PAFAH1B1: variants seen among roughly 807,000 people sequenced by gnomAD.
PAFAH1B1 encodes the protein platelet activating factor acetylhydrolase 1b regulatory subunit 1.
A neutral mutation model predicts 57.5 loss-of-function variants in PAFAH1B1; 2 were observed. The observed-to-expected ratio is 0.03, with a 90% confidence interval of 0.01 to 0.11. PAFAH1B1 has a LOEUF of 0.11. PAFAH1B1 is among the 10% of genes least tolerant of loss of function. The pLI, the probability that PAFAH1B1 is intolerant of heterozygous loss-of-function variation, is 1.00. For missense variants in PAFAH1B1, 257 were observed against 512.0 expected, an observed-to-expected ratio of 0.50 and a Z score of 4.81; for synonymous variants, 152 against 169.6, an observed-to-expected ratio of 0.90 and a Z score of 0.81.
intron 2 of PAFAH1B1, among the ~76,000 whole-genome samples, chr17:2,652,576 A>G (rs999175181): frequency 6.6e-6 from 1 of 152,008 alleles, no homozygotes; most frequent in Non-Finnish European, 1.5e-5. Context: ...TTTGAACATC[A>G]TATATATTTG....
At chr17:2,594,043 C>T (rs2068054583) in intron 1 of PAFAH1B1, 37 bp downstream of exon 1, 2 of 397,862 alleles carry the variant, frequency 5.0e-6, no homozygotes, top group Non-Finnish European at 8.9e-6. Flanking sequence ...CCCTCTGTCT[C>T]CTCCACCGCG....
chr17:2,629,156 C>G (rs1469573245), intron 1 of PAFAH1B1, among the ~76,000 whole-genome samples: 5 of 151,798 alleles, frequency 3.3e-5, no homozygotes, highest in African/African-American at 1.2e-4. Flanking sequence ...TTGGTTTGTT[C>G]CTCTTTCTCT....
At chr17:2,639,115 G>T (rs1421538596) in intron 2 of PAFAH1B1, among the ~76,000 whole-genome samples, 1 of 150,570 alleles carries the variant, frequency 6.6e-6, no homozygotes, top group African/African-American at 2.4e-5. Context: ...AGCCAGGATG[G>T]TCTCAATCTC....
intron 1 of PAFAH1B1, among the ~76,000 whole-genome samples, chr17:2,637,778 C>T (rs187646540): frequency 1.8e-4 from 28 of 152,172 alleles, no homozygotes; most frequent in African/African-American, 6.3e-4. Context: ...CTTTTTGTCT[C>T]TAAGAGAGAA....
chr17:2,671,894 C>T (rs1211685446), intron 6 of PAFAH1B1, among the ~76,000 whole-genome samples: 2 of 152,078 alleles, frequency 1.3e-5, no homozygotes, highest in East Asian at 1.9e-4. Context: ...TGAACCACTG[C>T]GCCTGGCCCA....
chr17:2,650,177 C>T (rs553847914), intron 2 of PAFAH1B1, among the ~76,000 whole-genome samples: 9 of 152,174 alleles, frequency 5.9e-5, no homozygotes, highest in Admixed American at 2.6e-4. Flanking sequence ...GCCTGGGCAA[C>T]GTAGGTGCAA....
chr17:2,634,093 C>T (rs1469339190), intron 1 of PAFAH1B1, among the ~76,000 whole-genome samples: 1 of 151,362 alleles, frequency 6.6e-6, no homozygotes, highest in Non-Finnish European at 1.5e-5. Flanking sequence ...ATACTTTCCT[C>T]ATCCCCTCAC....
intron 2 of PAFAH1B1, among the ~76,000 whole-genome samples, chr17:2,656,564 A>G (rs1293394363): frequency 6.6e-6 from 1 of 152,178 alleles, no homozygotes; most frequent in Admixed American, 6.5e-5. Context: ...AAAAATATAA[A>G]TACATTATTA....
chr17:2,668,571 C>T (rs1427404658), intron 5 of PAFAH1B1, among the ~76,000 whole-genome samples: 1 of 151,962 alleles, frequency 6.6e-6, no homozygotes, highest in East Asian at 1.9e-4. Flanking sequence ...CCTAGCTACT[C>T]AGGAGGCTGA....
intron 2 of PAFAH1B1, among the ~76,000 whole-genome samples, chr17:2,644,098 A>G (rs1597547181): frequency 2.0e-5 from 3 of 148,046 alleles, no homozygotes; most frequent in African/African-American, 7.5e-5. Context: ...CGGTGGTCTC[A>G]CTCTTGGGCC....
At chr17:2,676,302 C>T (rs1314548023) in intron 8 of PAFAH1B1, 12 of 506,226 alleles carry the variant, frequency 2.4e-5, no homozygotes, top group Admixed American at 1.2e-4. Context: ...CGCTTGAACC[C>T]GGGAGGCGGA....
intron 2 of PAFAH1B1, among the ~76,000 whole-genome samples, chr17:2,650,283 G>A (rs572229585): frequency 1.1e-4 from 16 of 148,996 alleles, no homozygotes; most frequent in Non-Finnish European, 1.8e-4. Flanking sequence ...AGGCCGAGGC[G>A]GGTGGATCAC....
chr17:2,608,152 T>C (rs992060177), intron 1 of PAFAH1B1, among the ~76,000 whole-genome samples: 42 of 152,158 alleles, frequency 2.8e-4, no homozygotes, highest in Non-Finnish European at 4.9e-4. Context: ...TGGCACAATA[T>C]CAGCTCACTG....
At chr17:2,651,834 C>T (rs528994092) in intron 2 of PAFAH1B1, among the ~76,000 whole-genome samples, 91 of 152,182 alleles carry the variant, frequency 6.0e-4, no homozygotes, top group African/African-American at 2.1e-3. Flanking sequence ...AATTGATGAG[C>T]CAACATTGAC....
chr17:2,650,073 A>G (rs2068827957), intron 2 of PAFAH1B1, among the ~76,000 whole-genome samples: 1 of 152,180 alleles, frequency 6.6e-6, no homozygotes, highest in Non-Finnish European at 1.5e-5. Context: ...CAAAATAGAA[A>G]ACTTCTGTGT....
chr17:2,610,206 G>A (rs1016227584), intron 1 of PAFAH1B1, among the ~76,000 whole-genome samples: 1 of 152,180 alleles, frequency 6.6e-6, no homozygotes, highest in African/African-American at 2.4e-5. Context: ...CTTTCACCTG[G>A]CAAGTTGGTC....
chr17:2,607,357 A>T (rs2151612431), intron 1 of PAFAH1B1, among the ~76,000 whole-genome samples: 1 of 151,170 alleles, frequency 6.6e-6, no homozygotes, highest in Admixed American at 6.6e-5. Context: ...TTTGTATTTT[A>T]GTAGAGATGG....
chr17:2,615,981 C>T (rs1028780863), intron 1 of PAFAH1B1, among the ~76,000 whole-genome samples: 7 of 152,080 alleles, frequency 4.6e-5, no homozygotes, highest in African/African-American at 9.7e-5. Flanking sequence ...TGCTTACAAG[C>T]GGCAGAGGCA....
intron 1 of PAFAH1B1, among the ~76,000 whole-genome samples, chr17:2,602,681 C>T (rs909148837): frequency 6.6e-6 from 1 of 152,232 alleles, no homozygotes; most frequent in East Asian, 1.9e-4. Context: ...AAAATGCAAT[C>T]TGACCATATC....
Sources: gnomAD v4.1 joint callset for allele counts (sites outside exome capture counted in the v4.1 genomes callset) on GRCh38, gnomAD v4.1.1 for gene constraint, MANE v1.5 for transcripts, NCBI Gene and HGNC (gene_info 2026-07-23, HGNC 2026-07-21) for gene names.